Variants in MICAL3 observed in about 807,000 individuals in gnomAD.
MICAL3 encodes the protein [F-actin]-monooxygenase MICAL3.
MICAL3 carries 62 observed loss-of-function variants against 207.4 expected under a neutral mutation model. The ratio of observed to expected loss-of-function variants is 0.30; its 90% CI spans 0.24 to 0.37. The LOEUF (loss-of-function observed/expected upper bound fraction) is 0.37, where lower values mean the gene tolerates loss of function less well. MICAL3 is among the 10% of genes least tolerant of loss of function. MICAL3 has a pLI of 1.00. For synonymous variants in MICAL3, 1,077 were observed against 1,069.3 expected (o/e 1.01, Z -0.14); for missense variants, 2,368 against 2,635.6 (o/e 0.90, Z 2.22).
chr22:17,952,321 T>C (rs757171264), intron 1 of MICAL3, among the ~76,000 whole-genome samples: 2 of 152,084 alleles, frequency 1.3e-5, no homozygotes, highest in Non-Finnish European at 2.9e-5. Flanking sequence ...CAACACAACC[T>C]TGTGTTTTCA....
intron 1 of MICAL3, among the ~76,000 whole-genome samples, chr22:17,987,278 AGACT>A (rs1475927458): frequency 4.6e-5 from 7 of 152,222 alleles, no homozygotes; most frequent in Non-Finnish European, 7.3e-5. Context: ...CATTTTCCAC[AGACT>A]GACAGGCAAT....
rs541788915 is a variant in MICAL3, at chr22:17,790,581, C to T, written c.*151G>A. ...GTCACCTGGGGCTCCCCACTGCACG[C>T]GGGACTCGACCACTTTCCAAGCAGC... On this transcript the variant is annotated 3_prime_UTR_variant, in exon 32 of 32. Coordinates refer to ENST00000441493, the MANE Select transcript of MICAL3 (RefSeq NM_015241.3). 293 of 705,618 alleles carry T rather than the reference C, an allele frequency of 4.2e-4. No individual in the cohort carries two copies. The highest frequency in any genetic ancestry group is 1.4e-4 in the East Asian group (5 of 36,644). The allele number at this position is 705,618 out of a possible 1,614,324, so 43.7% of individuals were successfully genotyped here. A position where few individuals can be genotyped will look rare whatever the true frequency, so the allele number is the denominator to read the frequency against.
chr22:17,894,282 C>T (rs1930636771), intron 10 of MICAL3, among the ~76,000 whole-genome samples: 2 of 151,462 alleles, frequency 1.3e-5, no homozygotes, highest in Admixed American at 6.6e-5. Flanking sequence ...GTCCCAGCTA[C>T]TTGGGAGGCT....
chr22:18,007,382 T>C, intron 1 of MICAL3: 1 of 152,164 alleles, frequency 6.6e-6, no homozygotes, highest in Non-Finnish European at 1.5e-5. Context: ...TTCTACTTAA[T>C]AGGCTAGGAA....
At chr22:18,002,207 A>C (rs1483601126) in intron 1 of MICAL3, among the ~76,000 whole-genome samples, 1 of 152,118 alleles carries the variant, frequency 6.6e-6, no homozygotes, top group Non-Finnish European at 1.5e-5. Flanking sequence ...AAAGAAAGAA[A>C]AAATAATAAT....
At chr22:17,820,596 T>C (rs1921471855) in intron 25 of MICAL3, among the ~76,000 whole-genome samples, 1 of 152,154 alleles carries the variant, frequency 6.6e-6, no homozygotes, top group Non-Finnish European at 1.5e-5. Flanking sequence ...CCTCGTGATC[T>C]GCCTGCCTTG....
chr22:17,890,318 G>A (rs566985518), intron 12 of MICAL3, among the ~76,000 whole-genome samples: 14 of 152,034 alleles, frequency 9.2e-5, no homozygotes, highest in Admixed American at 5.9e-4. Context: ...CCTAGAAGAC[G>A]GTCCCCTAAC....
Position 17,816,728 on chromosome 22 carries a change from C to T in MICAL3, c.5407G>A (p.Asp1803Asn), listed in dbSNP as rs1472056471. Residue 1803 changes from aspartate to asparagine, a missense_variant, in exon 27 of 32, where the codon GAT becomes AAT. By Grantham distance (23) the Asp-to-Asn change is conservative. Around this residue, in one of 4 missense-constraint regions of MICAL3, gnomAD observed 1,770 missense variants for 1,863.2 expected, o/e 0.95. Coordinates refer to ENST00000441493, the MANE Select transcript of MICAL3 (RefSeq NM_015241.3). ...TTCTGTGAGGACTTCTCAAGGACAT[C>T]GTCGCTGGAGAGGTCTGAGTCCTCG... ...FSEDSDLSSDDVLEKSSQKSR... is the reference protein window; with the variant it reads ...FSEDSDLSSDNVLEKSSQKSR... 4 of 1,552,676 alleles carry T rather than the reference C, an allele frequency of 2.6e-6. No individual in the cohort carries two copies. Among genetic ancestry groups the T allele is most frequent in the East Asian group, 2.4e-5 (1 of 41,040 alleles).
At chr22:17,874,138 G>A (rs1299867765) in intron 16 of MICAL3, among the ~76,000 whole-genome samples, 3 of 152,228 alleles carry the variant, frequency 2.0e-5, no homozygotes, top group Non-Finnish European at 2.9e-5. Flanking sequence ...TCAGCTCAAG[G>A]CTCAGCTGAA....
At chr22:17,857,328 A>G (rs1455549430) in intron 19 of MICAL3, among the ~76,000 whole-genome samples, 1 of 152,160 alleles carries the variant, frequency 6.6e-6, no homozygotes, top group Non-Finnish European at 1.5e-5. Context: ...TGAAGTGAGC[A>G]TGTGAGGGAC....
chr22:17,844,799 C>A (rs904074054), intron 19 of MICAL3, among the ~76,000 whole-genome samples: 18 of 152,152 alleles, frequency 1.2e-4, no homozygotes, highest in African/African-American at 4.1e-4. Context: ...GCTAGGGCAT[C>A]TTGAAGATGA....
At chr22:17,822,623 C>CA (rs1921772515) in intron 23 of MICAL3, among the ~76,000 whole-genome samples, 1 of 152,246 alleles carries the variant, frequency 6.6e-6, no homozygotes, top group Admixed American at 6.5e-5. Flanking sequence ...CCCTGACCCC[C>CA]TCAGCCCCCC....
At chr22:17,836,509 T>C (rs575940789) in intron 20 of MICAL3, among the ~76,000 whole-genome samples, 3 of 152,222 alleles carry the variant, frequency 2.0e-5, no homozygotes, top group South Asian at 2.1e-4. Flanking sequence ...TCTGTCAGGG[T>C]GGCTACTGTC....
chr22:18,023,704 C>A (rs971964888), intron 1 of MICAL3, among the ~76,000 whole-genome samples: 14 of 152,240 alleles, frequency 9.2e-5, no homozygotes, highest in Admixed American at 6.5e-5. Flanking sequence ...GCGCGCCCTG[C>A]AGCCTGGGAG....
Position 17,951,078 on chromosome 22 carries a change from G to C in MICAL3, c.-74-44192C>G, listed in dbSNP as rs544850209. 8.5e-5 allele frequency among the ~76,000 whole-genome samples: 13 copies of C among 152,290 alleles called. No homozygotes were observed. In the South Asian group the frequency reaches 2.7e-3, roughly 32 times the overall value. On this transcript the variant is annotated intron_variant, in intron 1 of 31. Coordinates refer to ENST00000441493, the MANE Select transcript of MICAL3 (RefSeq NM_015241.3). ...TCTCCAACTGGGCATCTGGTGATGTGGCCTGGCTTCCTGGCTGGGCCACTT... is the reference window on the plus strand; with the variant it reads ...TCTCCAACTGGGCATCTGGTGATGTCGCCTGGCTTCCTGGCTGGGCCACTT...
At chr22:18,001,725 G>A (rs1923034137) in intron 1 of MICAL3, among the ~76,000 whole-genome samples, 1 of 152,238 alleles carries the variant, frequency 6.6e-6, no homozygotes, top group South Asian at 2.1e-4. Flanking sequence ...CACGCCCTTC[G>A]TCCTCTCCGT....
chr22:17,976,589 A>ATATATTTT (rs1231976773), intron 1 of MICAL3, among the ~76,000 whole-genome samples: 1 of 67,108 alleles, frequency 1.5e-5, no homozygotes, highest in Non-Finnish European at 2.5e-5. Context: ...ATATATATAT[A>ATATATTTT]TTTTTTTTTT....
At chr22:17,899,615 A>T in intron 6 of MICAL3, 67 bp from the exon 7 acceptor site, 1 of 1,020,698 alleles carries the variant, frequency 9.8e-7, no homozygotes, top group Admixed American at 2.0e-5. Context: ...GGCAGGCTGA[A>T]AGGTTACACA....
At chr22:17,882,326 C>G (rs1275752285) in intron 16 of MICAL3, among the ~76,000 whole-genome samples, 1 of 152,210 alleles carries the variant, frequency 6.6e-6, no homozygotes, top group African/African-American at 2.4e-5. Flanking sequence ...TCTGTCAACT[C>G]AGCTATCACT....
Sources: allele counts gnomAD v4.1 joint callset (sites outside exome capture counted in the v4.1 genomes callset), GRCh38; gene constraint gnomAD v4.1.1; regional missense constraint gnomAD v4.1.1; transcripts MANE v1.5; gene names NCBI Gene and HGNC (gene_info 2026-07-23, HGNC 2026-07-21).